OLFM1: variants seen among roughly 807,000 people sequenced by gnomAD.
OLFM1 encodes olfactomedin 1.
A neutral mutation model predicts 49.7 loss-of-function variants in OLFM1; 9 were observed. The observed-to-expected ratio is 0.18, with a 90% CI of 0.11 to 0.32. The LOEUF is 0.32. Ranked by LOEUF, OLFM1 falls within the 10% of genes least tolerant of loss-of-function variation. The pLI, the probability that OLFM1 is intolerant of heterozygous loss-of-function variation, is 1.00. For missense variants in OLFM1, 369 were observed against 661.8 expected (o/e 0.56, Z 4.85); for synonymous variants, 240 against 271.8 (o/e 0.88, Z 1.15).
chr9:135,108,488 C>A (rs1462147230), intron 5 of OLFM1, among the ~76,000 whole-genome samples: 1 of 152,044 alleles, frequency 6.6e-6, no homozygotes, highest in Non-Finnish European at 1.5e-5. Flanking sequence ...CAAAAATTAG[C>A]CAGGCGTGGT....
At chr9:135,085,443 C>G (rs374281449), upstream of OLFM1, among the ~76,000 whole-genome samples, 7 of 152,258 alleles carry the variant, frequency 4.6e-5, no homozygotes, top group East Asian at 1.3e-3. Flanking sequence ...TGACCTTGGA[C>G]AGGTCTTATC....
intron 5 of OLFM1, among the ~76,000 whole-genome samples, chr9:135,116,878 A>G (rs1027924837): frequency 5.5e-5 from 5 of 90,568 alleles, no homozygotes; most frequent in Non-Finnish European, 1.2e-4. Flanking sequence ...GGCCCAGCTG[A>G]AAAAAAAAAA....
At chr9:135,099,346 A>G (rs1470793878) in intron 4 of OLFM1, among the ~76,000 whole-genome samples, 1 of 152,010 alleles carries the variant, frequency 6.6e-6, no homozygotes, top group Non-Finnish European at 1.5e-5. Flanking sequence ...TTTTAGGGTG[A>G]TTTTGCCTTA....
upstream of OLFM1, among the ~76,000 whole-genome samples, chr9:135,084,332 G>C (rs1279006924): frequency 2.0e-5 from 3 of 148,212 alleles, no homozygotes; most frequent in Non-Finnish European, 4.4e-5. The surrounding 1 kb of genome is among the most constrained non-coding windows in gnomAD (Gnocchi z 4.6). Context: ...TTCTCTCTCT[G>C]TCTCTCATCT....
intron 1 of OLFM1, among the ~76,000 whole-genome samples, chr9:135,089,215 TC>T (rs1830646397): frequency 6.6e-6 from 1 of 152,208 alleles, no homozygotes; most frequent in South Asian, 2.1e-4. Flanking sequence ...GGCCTGCCGG[TC>T]CCGATCTTCT....
At chr9:135,112,741 G>T (rs1005201975) in intron 5 of OLFM1, among the ~76,000 whole-genome samples, 1 of 152,228 alleles carries the variant, frequency 6.6e-6, no homozygotes, top group African/African-American at 2.4e-5. Flanking sequence ...TGGACACCGT[G>T]GTGTCCTGGG....
chr9:135,097,837 C>G (rs773857547), intron 3 of OLFM1: 2 of 1,611,864 alleles, frequency 1.2e-6, no homozygotes, highest in Admixed American at 3.3e-5. Context: ...AGTCCACTCC[C>G]ATGTAACCAT....
rs1035433362 is a variant in OLFM1, at chr9:135,099,000, G to A, written c.676+495G>A. Among the ~76,000 whole-genome samples the A allele has an allele frequency of 6.6e-6, 1 of 152,232 alleles. No individual in the cohort carries two copies. The highest frequency in any genetic ancestry group is 2.4e-5 in the African/African-American group (1 of 41,458). On this transcript the variant is annotated intron_variant, in intron 4 of 5. Transcript: ENST00000371793. The surrounding 1 kb of genome is among the most constrained non-coding windows in gnomAD (Gnocchi z 5.6). ...GGGAGGGAGCCCCTGCTCACAGCCTGGAAGGGGAGGAGCCTCTGAGCAAAT... is the reference window on the plus strand; with the variant it reads ...GGGAGGGAGCCCCTGCTCACAGCCTAGAAGGGGAGGAGCCTCTGAGCAAAT...
chr9:135,091,575 AGT>A (rs1397989744), intron 2 of OLFM1, among the ~76,000 whole-genome samples: 10 of 126,172 alleles, frequency 7.9e-5, no homozygotes, highest in Admixed American at 2.3e-4. Context: ...ACACACACAC[AGT>A]CACACACTCA....
intron 4 of OLFM1, among the ~76,000 whole-genome samples, chr9:135,102,441 C>A (rs1830883260): frequency 6.6e-6 from 1 of 152,200 alleles, no homozygotes; most frequent in South Asian, 2.1e-4. Flanking sequence ...AGGAAATAAA[C>A]CAAAATCTAA....
chr9:135,096,025 C>G lies in OLFM1; in HGVS notation c.456+6C>G. On this transcript the variant is annotated splice_donor_region_variant and intron_variant, in intron 3 of 5. Coordinates refer to ENST00000371793, the MANE Select transcript of OLFM1 (RefSeq NM_001282611.2). The stretch of plus-strand genomic sequence containing the variant: ...ACCTGGCCAGGCAGTTTAAGGTATG[C>G]ATGTTCCTCCCCCTCTCCCTCCCCT... 1 of 1,374,354 alleles carries G rather than the reference C, an allele frequency of 7.3e-7. No homozygotes were observed. The highest frequency in any genetic ancestry group is 9.6e-7 in the Non-Finnish European group (1 of 1,044,004). The allele number at this position is 1,374,354 out of a possible 1,614,324, so 85.1% of individuals were successfully genotyped here.
intron 5 of OLFM1, among the ~76,000 whole-genome samples, chr9:135,115,714 A>G (rs1445482995): frequency 6.6e-6 from 1 of 152,192 alleles, no homozygotes; most frequent in African/African-American, 2.4e-5. Flanking sequence ...CACTGGCCAG[A>G]TTGGTGGTTT....
At chr9:135,087,168 T>G, upstream of OLFM1, 1 of 1,340,540 alleles carries the variant, frequency 7.5e-7, no homozygotes, top group Admixed American at 3.1e-5. Context: ...GACGCCCCCC[T>G]GGCGCTGGAG....
intron 1 of OLFM1, 29 bp from the exon 2 acceptor site, chr9:135,090,166 C>T: frequency 1.3e-6 from 2 of 1,586,008 alleles, no homozygotes; most frequent in South Asian, 1.1e-5. Flanking sequence ...CTCTCCTTCC[C>T]TCTCCCTTCC....
At chr9:135,094,009 C>T (rs867179736) in intron 2 of OLFM1, among the ~76,000 whole-genome samples, 1 of 152,194 alleles carries the variant, frequency 6.6e-6, no homozygotes, top group Non-Finnish European at 1.5e-5. Context: ...AAAAAGCCTA[C>T]AGCACCGTGT....
intron 5 of OLFM1, among the ~76,000 whole-genome samples, chr9:135,107,142 TG>T (rs1830956751): frequency 1.9e-4 from 1 of 5,210 alleles, no homozygotes; most frequent in Non-Finnish European, 4.7e-4. Flanking sequence ...TGGGCTGGGC[TG>T]GGCTGGGCTG....
At chr9:135,085,576 G>A (rs1018485971), upstream of OLFM1, among the ~76,000 whole-genome samples, 1 of 152,258 alleles carries the variant, frequency 6.6e-6, no homozygotes, top group Admixed American at 6.5e-5. Context: ...CGCAGCACCT[G>A]CCCCATCAGC....
intron 3 of OLFM1, among the ~76,000 whole-genome samples, chr9:135,097,327 C>A (rs559644404): frequency 6.6e-6 from 1 of 152,240 alleles, no homozygotes; most frequent in African/African-American, 2.4e-5. Context: ...TTTTTGTCCT[C>A]GCATCTGGCT....
At position 135,120,026 on chromosome 9, in the gene OLFM1, G is replaced by A. The variant is rs757129566; in HGVS notation, c.1306G>A (p.Glu436Lys). The A allele has an allele frequency of 6.2e-7, 1 of 1,613,958 alleles. No individual in the cohort carries two copies. The highest frequency in any genetic ancestry group is 8.5e-7 in the Non-Finnish European group (1 of 1,180,042). ...YAYQTNASTY[E>K]YIDIPFQNKY... ...ATACCAGACCAATGCCTCCACCTAT[G>A]AATACATCGACATCCCATTCCAGAA... Residue 436 changes from glutamate (E) to lysine (K), a missense_variant, in exon 6 of 6, where the codon GAA becomes AAA. Physicochemically the swap from Glu to Lys is moderately conservative, Grantham distance 56. Around this residue, in one of 3 missense-constraint regions of OLFM1, gnomAD observed 294 missense variants for 567.5 expected, o/e 0.52. Coordinates refer to ENST00000371793, the MANE Select transcript of OLFM1 (RefSeq NM_001282611.2).
Sources: allele counts gnomAD v4.1 joint callset (sites outside exome capture counted in the v4.1 genomes callset), GRCh38; gene constraint gnomAD v4.1.1; regional missense constraint gnomAD v4.1.1; non-coding constraint Gnocchi (gnomAD v3.1); transcripts MANE v1.5; gene names NCBI Gene and HGNC (gene_info 2026-07-23, HGNC 2026-07-21).